PARD3: variants seen among roughly 807,000 people sequenced by gnomAD.
The protein encoded by PARD3 is partitioning defective 3 homolog.
PARD3 carries 75 observed loss-of-function variants against 155.4 expected under a neutral mutation model. That is an observed-to-expected ratio of 0.48 (90% CI 0.40 to 0.58). The LOEUF is 0.58. Ranked by LOEUF, PARD3 falls within the 20% of genes least tolerant of loss-of-function variation. The pLI is 0.00. For synonymous variants in PARD3, 576 were observed against 610.5 expected (o/e 0.94, Z 0.83); for missense variants, 1,642 against 1,721.7 (o/e 0.95, Z 0.82).
At chr10:34,358,061 T>C (rs1481009129) in intron 14 of PARD3, among the ~76,000 whole-genome samples, 15 of 152,204 alleles carry the variant, frequency 9.9e-5, no homozygotes, top group Non-Finnish European at 1.8e-4. Flanking sequence ...TTTATCTTAG[T>C]TGATTTGATC....
At chr10:34,724,611 A>C (rs554230136) in intron 1 of PARD3, among the ~76,000 whole-genome samples, 1 of 152,368 alleles carries the variant, frequency 6.6e-6, no homozygotes, top group Non-Finnish European at 1.5e-5. Context: ...GAATATATAT[A>C]AGCTAAACTG....
chr10:34,278,181 G>T (rs528929673), intron 21 of PARD3, among the ~76,000 whole-genome samples: 2 of 151,302 alleles, frequency 1.3e-5, no homozygotes, highest in East Asian at 3.9e-4. Flanking sequence ...TGAGTGTCTG[G>T]GACTACAGGT....
intron 20 of PARD3, among the ~76,000 whole-genome samples, chr10:34,294,302 A>G (rs1310639781): frequency 1.3e-5 from 2 of 152,244 alleles, no homozygotes; most frequent in East Asian, 3.8e-4. Flanking sequence ...GAAGTGATAC[A>G]CATACATACG....
chr10:34,589,419 T>C (rs1324119913), intron 2 of PARD3, among the ~76,000 whole-genome samples: 1 of 152,002 alleles, frequency 6.6e-6, no homozygotes, highest in African/African-American at 2.4e-5. Context: ...TGGGCCCTAA[T>C]CCAATATGAC....
chr10:34,302,343 A>T (rs1017431521), intron 20 of PARD3, among the ~76,000 whole-genome samples: 2 of 152,204 alleles, frequency 1.3e-5, no homozygotes, highest in African/African-American at 4.8e-5. Flanking sequence ...TACCAGGAGG[A>T]GTTCTAAAAT....
intron 5 of PARD3, among the ~76,000 whole-genome samples, chr10:34,427,941 G>C (rs2075706086): frequency 1.3e-5 from 2 of 152,112 alleles, no homozygotes; most frequent in African/African-American, 4.8e-5. Context: ...ACCATGTAGA[G>C]GAATGGGGGA....
intron 2 of PARD3, among the ~76,000 whole-genome samples, chr10:34,657,687 C>A (rs1347379204): frequency 6.6e-6 from 1 of 152,134 alleles, no homozygotes; most frequent in African/African-American, 2.4e-5. Context: ...TACAGGCACA[C>A]GCCACCACGC....
At chr10:34,502,533 G>A (rs971497927) in intron 3 of PARD3, among the ~76,000 whole-genome samples, 3 of 152,148 alleles carry the variant, frequency 2.0e-5, no homozygotes, top group African/African-American at 7.2e-5. Flanking sequence ...ATGATGATTT[G>A]TTATAGCAAG....
rs543698706 is a variant in PARD3 at position 34,530,178 on chromosome 10, G to A, written c.223-13019C>T. ...AGAAGAAGTGGAGAAGGTGGAAAGG[G>A]AGGCAGGAGAGACAGGCACCACTGT... On this transcript the variant is annotated intron_variant, in intron 2 of 24. Coordinates refer to ENST00000374788, the MANE Select transcript of PARD3 (RefSeq NM_001184785.2). Among the ~76,000 whole-genome samples the A allele has an allele frequency of 3.9e-5, 6 of 152,298 alleles. No individual in the cohort carries two copies. In the East Asian group the frequency reaches 1.2e-3, roughly 29 times the overall value.
chr10:34,307,410 C>T (rs1447365304), intron 20 of PARD3, among the ~76,000 whole-genome samples: 10 of 152,096 alleles, frequency 6.6e-5, no homozygotes, highest in Non-Finnish European at 1.5e-4. Flanking sequence ...ACTCTGGGAG[C>T]AGGGTAGGGG....
intron 5 of PARD3, among the ~76,000 whole-genome samples, chr10:34,438,528 T>C (rs530200114): frequency 6.6e-6 from 1 of 152,234 alleles, no homozygotes; most frequent in Admixed American, 6.5e-5. Flanking sequence ...AAAGAGTCAA[T>C]ATAGTTCACC....
intron 1 of PARD3, among the ~76,000 whole-genome samples, chr10:34,706,334 C>T (rs1324709764): frequency 6.6e-6 from 1 of 152,184 alleles, no homozygotes; most frequent in African/African-American, 2.4e-5. Flanking sequence ...ATTCCCAAGT[C>T]CTTTCTCAGA....
chr10:34,685,368 T>C (rs898567439), intron 2 of PARD3, among the ~76,000 whole-genome samples: 1 of 152,194 alleles, frequency 6.6e-6, no homozygotes, highest in African/African-American at 2.4e-5. Flanking sequence ...CATGTTCTCC[T>C]GGGCTACATC....
intron 22 of PARD3, among the ~76,000 whole-genome samples, chr10:34,220,530 A>G (rs911805434): frequency 2.0e-5 from 3 of 152,154 alleles, no homozygotes; most frequent in African/African-American, 7.2e-5. Flanking sequence ...GACTCTTGGC[A>G]GAGAGTGAAG....
At chr10:34,629,007 C>G (rs545389685) in intron 2 of PARD3, among the ~76,000 whole-genome samples, 1 of 152,250 alleles carries the variant, frequency 6.6e-6, no homozygotes, top group South Asian at 2.1e-4. Flanking sequence ...TCTTTAAGCC[C>G]TCCCCCAAAA....
chr10:34,378,076 G>A lies in PARD3; in HGVS notation c.1430C>T (p.Ser477Phe). The change falls in exon 10 of 25, where the codon TCC becomes TTC. Residue 477 changes from serine (S) to phenylalanine (F), a missense_variant. By Grantham distance (155) the Ser-to-Phe change is radical. This residue lies in a region of PARD3 where 1,529 missense variants were observed against 1,587.3 expected (regional missense o/e 0.96). Transcript: ENST00000374788. The stretch of plus-strand genomic sequence containing the variant: ...TGAGCCACCTATTGTTACATCTCTG[G>A]AAGTGATGCTGAATCCCAAACCTTC... The part of the protein sequence containing the change: ...GTEGLGFSIT[S>F]RDVTIGGSAP... 6.3e-7 allele frequency: 1 copy of A among 1,594,802 alleles called. No individual in the cohort carries two copies. Among genetic ancestry groups the A allele is most frequent in the Non-Finnish European group, 8.5e-7 (1 of 1,172,096 alleles).
chr10:34,474,370 T>C (rs1237640046), intron 3 of PARD3, among the ~76,000 whole-genome samples: 1 of 152,208 alleles, frequency 6.6e-6, no homozygotes, highest in East Asian at 1.9e-4. Context: ...CAAGACTTCT[T>C]CATCTCTCAC....
intron 22 of PARD3, among the ~76,000 whole-genome samples, chr10:34,161,865 A>G (rs1949299458): frequency 6.6e-6 from 1 of 152,188 alleles, no homozygotes; most frequent in African/African-American, 2.4e-5. Flanking sequence ...CATCCGATTA[A>G]AGCCTGCACT....
At chr10:34,355,608 C>G (rs904381640) in intron 14 of PARD3, among the ~76,000 whole-genome samples, 5 of 151,998 alleles carry the variant, frequency 3.3e-5, no homozygotes, top group East Asian at 1.9e-4. Context: ...GAGTGGAGAT[C>G]AGCTAGGGAG....
Sources: allele counts gnomAD v4.1 joint callset (sites outside exome capture counted in the v4.1 genomes callset), GRCh38; gene constraint gnomAD v4.1.1; regional missense constraint gnomAD v4.1.1; transcripts MANE v1.5; gene names NCBI Gene and HGNC (gene_info 2026-07-23, HGNC 2026-07-21).